The following UBAC2 variants were observed in gnomAD, a reference collection of about 807,000 sequenced individuals.
UBAC2 encodes ubiquitin-associated domain-containing protein 2.
In UBAC2, 26 loss-of-function variants were observed where a neutral mutation model predicts 44.0. The observed-to-expected ratio is 0.59, with a 90% CI of 0.43 to 0.82. The LOEUF (loss-of-function observed/expected upper bound fraction) is 0.82. UBAC2 is among the 40% of genes least tolerant of loss of function. UBAC2 has a pLI of 0.00. For missense variants in UBAC2, 329 were observed against 419.4 expected, an observed-to-expected ratio of 0.78 and a Z score of 1.88; for synonymous variants, 155 against 154.3, an observed-to-expected ratio of 1.00 and a Z score of -0.04.
chr13:99,382,803 G>T (rs2045568115), intron 8 of UBAC2, among the ~76,000 whole-genome samples: 1 of 152,106 alleles, frequency 6.6e-6, no homozygotes, highest in African/African-American at 2.4e-5. Context: ...AAAGGCAGGG[G>T]CCCCAAGACC....
chr13:99,380,036 A>G (rs1441660549), intron 8 of UBAC2, among the ~76,000 whole-genome samples: 2 of 152,130 alleles, frequency 1.3e-5, no homozygotes, highest in African/African-American at 4.8e-5. Context: ...AAGGCATGTC[A>G]CAGCTGAAGG....
At chr13:99,203,017 G>GTTTTA (rs2042823792) in intron 1 of UBAC2, among the ~76,000 whole-genome samples, 2 of 112,796 alleles carry the variant, frequency 1.8e-5, no homozygotes, top group Admixed American at 9.4e-5. Flanking sequence ...GATTTCCTTT[G>GTTTTA]TTTTATTTTA....
In UBAC2 at chr13:99,338,047, C is replaced by CTTTTTTTTTTTTTTTTTTTTTTTT. The variant is rs869112086; in HGVS notation, c.562-2268_562-2245dup. Among the ~76,000 whole-genome samples, 109 of 48,870 alleles carry CTTTTTTTTTTTTTTTTTTTTTTTT rather than the reference C, an allele frequency of 2.2e-3. 12 individuals carry two copies. Among genetic ancestry groups the CTTTTTTTTTTTTTTTTTTTTTTTT allele is most frequent in the Middle Eastern group, 0.02 (1 of 50 alleles). The allele number at this position is 48,870 out of a possible 152,430, so 32.1% of individuals were successfully genotyped here. A position where few individuals can be genotyped will look rare whatever the true frequency, so the allele number is the denominator to read the frequency against. On this transcript the variant is annotated intron_variant, in intron 6 of 8. Transcript: ENST00000403766. Reference sequence around the variant, plus strand: ...ATCTCCTAACTTTTTTTCTTTTTTTCTTTTTTTTTTTTTTTTTTTTTTTTT... The same window carrying CTTTTTTTTTTTTTTTTTTTTTTTT: ...ATCTCCTAACTTTTTTTCTTTTTTTCTTTTTTTTTTTTTTTTTTTTTTTTTTTTTTTTTTTTTTTTTTTTTTTTT...
intron 4 of UBAC2, chr13:99,255,297 C>T: frequency 6.2e-7 from 1 of 1,614,068 alleles, no homozygotes; most frequent in Non-Finnish European, 8.5e-7. Flanking sequence ...AAAAAAATGT[C>T]AGTCGAGTGA....
chr13:99,280,733 A>G (rs2043941660), intron 4 of UBAC2, among the ~76,000 whole-genome samples: 1 of 152,118 alleles, frequency 6.6e-6, no homozygotes, highest in Admixed American at 6.6e-5. Context: ...GCCACATGCT[A>G]GTTGCTTCAG....
chr13:99,385,035 C>G (rs534295877), intron 8 of UBAC2, among the ~76,000 whole-genome samples, 193 bp from the exon 9 acceptor site: 7 of 152,340 alleles, frequency 4.6e-5, no homozygotes, highest in African/African-American at 1.4e-4. Context: ...TATATATTGG[C>G]TACACATAGT....
chr13:99,284,841 G>A (rs1355380536), intron 4 of UBAC2, among the ~76,000 whole-genome samples: 4 of 152,140 alleles, frequency 2.6e-5, no homozygotes, highest in African/African-American at 9.7e-5. Context: ...GAAAATTAAA[G>A]TTTGTGAAGG....
intron 1 of UBAC2, among the ~76,000 whole-genome samples, chr13:99,237,271 T>TACACACACAC (rs57466771): frequency 0.1 from 14,576 of 144,746 alleles, 961 homozygotes; most frequent in Non-Finnish European, 0.14. Context: ...TATATATATA[T>TACACACACAC]ACACACACAC....
chr13:99,313,317 G>A (rs1041459445), intron 4 of UBAC2: 1 of 152,300 alleles, frequency 6.6e-6, no homozygotes, highest in Non-Finnish European at 1.5e-5. Flanking sequence ...GGAGTGTTGT[G>A]ATCAGAGTTG....
chr13:99,202,140 C>T (rs2042811601), intron 1 of UBAC2, among the ~76,000 whole-genome samples: 1 of 150,680 alleles, frequency 6.6e-6, no homozygotes, highest in African/African-American at 2.4e-5. Context: ...TGTGTCTCGT[C>T]TTATAGTCTG....
At chr13:99,207,781 C>G (rs73563986) in intron 1 of UBAC2, among the ~76,000 whole-genome samples, 2 of 152,126 alleles carry the variant, frequency 1.3e-5, no homozygotes, top group Non-Finnish European at 2.9e-5. Context: ...GCACTCTCCA[C>G]CTTCGTTCCA....
chr13:99,211,795 G>A (rs997022302), intron 1 of UBAC2, among the ~76,000 whole-genome samples: 6 of 152,180 alleles, frequency 3.9e-5, no homozygotes, highest in Non-Finnish European at 7.3e-5. Flanking sequence ...CGTCTCAGGC[G>A]AGTGATGTTA....
At chr13:99,280,220 C>T (rs2043934180) in intron 4 of UBAC2, among the ~76,000 whole-genome samples, 1 of 152,184 alleles carries the variant, frequency 6.6e-6, no homozygotes, top group Admixed American at 6.5e-5. Flanking sequence ...TAAAGTTTAA[C>T]TTGCTTGTGA....
At chr13:99,308,439 T>C (rs2044368456) in intron 4 of UBAC2, among the ~76,000 whole-genome samples, 1 of 152,184 alleles carries the variant, frequency 6.6e-6, no homozygotes, top group Non-Finnish European at 1.5e-5. Flanking sequence ...AGCGGGAGGG[T>C]CAGTAAGAAG....
At chr13:99,324,208 A>G (rs1228834497) in intron 6 of UBAC2, among the ~76,000 whole-genome samples, 1 of 152,236 alleles carries the variant, frequency 6.6e-6, no homozygotes, top group African/African-American at 2.4e-5. Context: ...TTGTTTGTTC[A>G]AATATATTTG....
chr13:99,379,375 A>G (rs1348331359), intron 8 of UBAC2, among the ~76,000 whole-genome samples: 1 of 152,236 alleles, frequency 6.6e-6, no homozygotes, highest in African/African-American at 2.4e-5. Context: ...GTCAGCAATG[A>G]CCTTGGCAAA....
chr13:99,232,079 ATG>A (rs978744106), intron 1 of UBAC2, among the ~76,000 whole-genome samples: 21 of 152,154 alleles, frequency 1.4e-4, no homozygotes, highest in African/African-American at 4.1e-4. Flanking sequence ...ATATAGGTTA[ATG>A]TGTGTTACTT....
At chr13:99,235,044 G>A (rs2043218029) in intron 1 of UBAC2, among the ~76,000 whole-genome samples, 1 of 152,202 alleles carries the variant, frequency 6.6e-6, no homozygotes, top group Admixed American at 6.5e-5. Context: ...CAAGGAGGAA[G>A]AGGGGCGTGA....
At chr13:99,334,132 A>T (rs1286351200) in intron 6 of UBAC2, among the ~76,000 whole-genome samples, 5 of 147,232 alleles carry the variant, frequency 3.4e-5, no homozygotes, top group East Asian at 2.0e-4. Context: ...ATTTATTCTT[A>T]TTTTTTTTTT....
Sources: allele counts gnomAD v4.1 joint callset (sites outside exome capture counted in the v4.1 genomes callset), GRCh38; gene constraint gnomAD v4.1.1; transcripts MANE v1.5; gene names NCBI Gene and HGNC (gene_info 2026-07-23, HGNC 2026-07-21).